The following SAMTOR variants were observed in gnomAD, a reference collection of about 807,000 sequenced individuals.
SAMTOR encodes S-adenosylmethionine sensor upstream of mTORC1.
At chr7:112,913,771 G>C in the SAMTOR span, among the ~76,000 whole-genome samples, 1 of 151,976 alleles carries the variant, frequency 6.6e-6, no homozygotes, top group African/African-American at 2.4e-5. Flanking sequence ...AAGGTCTTCA[G>C]ACTTGGTAGG....
chr7:112,894,834 T>C, the SAMTOR span, among the ~76,000 whole-genome samples: 1 of 152,134 alleles, frequency 6.6e-6, no homozygotes, highest in Non-Finnish European at 1.5e-5. Flanking sequence ...TACATGCTAT[T>C]GGGAAAATGG....
the SAMTOR span, among the ~76,000 whole-genome samples, chr7:112,841,524 C>T: frequency 6.6e-6 from 1 of 152,008 alleles, no homozygotes; most frequent in Non-Finnish European, 1.5e-5. Flanking sequence ...AGATTTAATG[C>T]TATCCCCATC....
the SAMTOR span, among the ~76,000 whole-genome samples, chr7:112,885,240 G>T: frequency 6.6e-6 from 1 of 152,174 alleles, no homozygotes; most frequent in Non-Finnish European, 1.5e-5. Context: ...GAGAGGGGCT[G>T]CTGTGAAGAT....
the SAMTOR span, among the ~76,000 whole-genome samples, chr7:112,908,387 TG>T: frequency 6.6e-6 from 1 of 152,230 alleles, no homozygotes; most frequent in Admixed American, 6.5e-5. Context: ...TAGAGGCTGC[TG>T]GCCTTTAGAC....
chr7:112,834,897 T>A, the SAMTOR span, among the ~76,000 whole-genome samples: 1 of 152,138 alleles, frequency 6.6e-6, no homozygotes, highest in Non-Finnish European at 1.5e-5. Flanking sequence ...CACTTTGAGA[T>A]ACCATACTCA....
chr7:112,841,812 A>AACAAGC, the SAMTOR span, among the ~76,000 whole-genome samples: 1 of 152,130 alleles, frequency 6.6e-6, no homozygotes, highest in Non-Finnish European at 1.5e-5. Flanking sequence ...AACCTGACAA[A>AACAAGC]AACAAGCAAT....
At chr7:112,864,179 G>A in the SAMTOR span, among the ~76,000 whole-genome samples, 10 of 152,282 alleles carry the variant, frequency 6.6e-5, no homozygotes, top group South Asian at 6.2e-4. Context: ...TCACTTATAG[G>A]TGGGAGCTAA....
the SAMTOR span, among the ~76,000 whole-genome samples, chr7:112,891,905 TAAA>T: frequency 6.6e-6 from 1 of 152,202 alleles, no homozygotes; most frequent in Non-Finnish European, 1.5e-5. Context: ...TCAGAATTTC[TAAA>T]AATAAGACAA....
At chr7:112,916,766 G>C in the SAMTOR span, among the ~76,000 whole-genome samples, 2 of 152,172 alleles carry the variant, frequency 1.3e-5, no homozygotes, top group Non-Finnish European at 2.9e-5. Context: ...CGACGGGCTT[G>C]GGAAACGGCG....
At chr7:112,926,612 T>C in the SAMTOR span, among the ~76,000 whole-genome samples, 262 of 152,342 alleles carry the variant, frequency 1.7e-3, no homozygotes, top group African/African-American at 6.1e-3. Context: ...ATGTGATTCA[T>C]AAAGTGAAGT....
At chr7:112,856,190 T>C in the SAMTOR span, among the ~76,000 whole-genome samples, 1 of 152,210 alleles carries the variant, frequency 6.6e-6, no homozygotes, top group South Asian at 2.1e-4. Context: ...GCAGTAGAAA[T>C]TAATACCCGA....
the SAMTOR span, among the ~76,000 whole-genome samples, chr7:112,878,529 A>C: frequency 6.6e-6 from 1 of 152,142 alleles, no homozygotes; most frequent in Admixed American, 6.5e-5. Flanking sequence ...TCTAGGAGTA[A>C]AGGAAGTTAT....
the SAMTOR span, among the ~76,000 whole-genome samples, chr7:112,885,764 G>A: frequency 6.6e-6 from 1 of 152,094 alleles, no homozygotes. Context: ...GTCTTCTTCT[G>A]AGCCCTCCAA....
chr7:112,844,147 A>T, the SAMTOR span, among the ~76,000 whole-genome samples: 1 of 152,078 alleles, frequency 6.6e-6, no homozygotes, highest in African/African-American at 2.4e-5. Context: ...TGAGTCATCT[A>T]TGAGATACTC....
At chr7:112,846,170 G>C in the SAMTOR span, among the ~76,000 whole-genome samples, 1 of 105,798 alleles carries the variant, frequency 9.5e-6, no homozygotes, top group Non-Finnish European at 2.0e-5. Context: ...TTGCATGAGA[G>C]AAACAATTCT....
chr7:112,867,025 T>G, the SAMTOR span, among the ~76,000 whole-genome samples: 63 of 152,356 alleles, frequency 4.1e-4, no homozygotes, highest in Non-Finnish European at 7.5e-4. Context: ...CCATTGTCAA[T>G]TATACGTTTT....
chr7:112,853,984 T>C, the SAMTOR span, among the ~76,000 whole-genome samples: 6 of 152,080 alleles, frequency 3.9e-5, no homozygotes, highest in Non-Finnish European at 7.4e-5. Flanking sequence ...CACAGCATTG[T>C]CACTTCTTGA....
At chr7:112,832,074 C>T in the SAMTOR span, among the ~76,000 whole-genome samples, 6 of 150,366 alleles carry the variant, frequency 4.0e-5, no homozygotes, top group Non-Finnish European at 7.4e-5. Flanking sequence ...TGCAGTGGCG[C>T]GATCTCGACT....
At chr7:112,906,573 C>CT in the SAMTOR span, among the ~76,000 whole-genome samples, 106,827 of 144,404 alleles carry the variant, frequency 0.74, 40,075 homozygotes, top group East Asian at 0.99. Flanking sequence ...AAAGACATAT[C>CT]TTTTTTTTTT....
Sources: gnomAD v4.1 joint callset for allele counts (sites outside exome capture counted in the v4.1 genomes callset) on GRCh38, gnomAD v4.1.1 for gene constraint, MANE v1.5 for transcripts, NCBI Gene and HGNC (gene_info 2026-07-23, HGNC 2026-07-21) for gene names.